BDNF: variants seen among roughly 807,000 people sequenced by gnomAD.
BDNF encodes neurotrophic factor BDNF precursor form.
A neutral mutation model predicts 19.5 loss-of-function variants in BDNF; 1 was observed. The observed-to-expected ratio is 0.05, with a 90% CI of 0.02 to 0.24. The LOEUF (loss-of-function observed/expected upper bound fraction) is 0.24, where lower values mean the gene tolerates loss of function less well. Among genes scored for constraint, BDNF ranks in the 10% least tolerant of loss-of-function variants. The pLI is 1.00. For synonymous variants in BDNF, 100 were observed against 121.6 expected (o/e 0.82, Z 1.17); for missense variants, 195 against 317.6 (o/e 0.61, Z 2.93).
intron 1 of BDNF, among the ~76,000 whole-genome samples, chr11:27,716,377 T>C (rs1317382764): frequency 2.0e-5 from 3 of 151,830 alleles, no homozygotes; most frequent in Non-Finnish European, 4.4e-5. Context: ...GGCATGTAAA[T>C]TTAAGAGACT....
chr11:27,656,801 T>C lies in BDNF; in HGVS notation c.*1020A>G, dbSNP rs534890908. On this transcript the variant is annotated 3_prime_UTR_variant, in exon 2 of 2. Transcript: ENST00000356660. ...TTCATTTTGGGGTTATTTTTTGTTG[T>C]TTTCTGTTCTAAAAAAAAATCACTG... 1.5e-4 allele frequency: 151 copies of C among 985,420 alleles called. No homozygotes were observed. The African/African-American group carries it at 2.5e-3, about 17-fold the overall frequency. 61.0% of individuals were successfully genotyped at this position (985,420 alleles called of 1,614,324 possible). A position where few individuals can be genotyped will look rare whatever the true frequency, so the allele number is the denominator to read the frequency against.
At chr11:27,664,010 A>G (rs72878179) in intron 1 of BDNF, among the ~76,000 whole-genome samples, 4,669 of 152,108 alleles carry the variant, frequency 0.031, 163 homozygotes, top group African/African-American at 0.082. Context: ...AACAAGCAAC[A>G]GTACAGATAA....
intron 1 of BDNF, among the ~76,000 whole-genome samples, chr11:27,721,172 A>G (rs1164475132): frequency 1.3e-5 from 2 of 152,120 alleles, no homozygotes; most frequent in Non-Finnish European, 2.9e-5. Flanking sequence ...TCAGCCTTGA[A>G]CAACCAATAT....
chr11:27,697,160 CACACAGAGAGAG>C (rs1213212846), intron 1 of BDNF, among the ~76,000 whole-genome samples: 36 of 117,928 alleles, frequency 3.1e-4, no homozygotes, highest in African/African-American at 7.3e-4. Flanking sequence ...CACACACACA[CACACAGAGAGAG>C]AGAGAGAGAG....
intron 1 of BDNF, among the ~76,000 whole-genome samples, chr11:27,698,668 C>T (rs1404378498): frequency 4.6e-5 from 7 of 152,046 alleles, no homozygotes; most frequent in Non-Finnish European, 4.4e-5. Flanking sequence ...ATCATGTCGC[C>T]TTTTATATGC....
At chr11:27,663,000 C>A (rs75360136) in intron 1 of BDNF, among the ~76,000 whole-genome samples, 159 of 152,296 alleles carry the variant, frequency 1.0e-3, no homozygotes, top group Non-Finnish European at 1.5e-3. Context: ...TCCTGTGTAG[C>A]TCTATTTCTA....
At chr11:27,721,532 G>T in exon 1 of BDNF, 1 of 1,073,902 alleles carries the variant, frequency 9.3e-7, no homozygotes, top group East Asian at 2.4e-5. Flanking sequence ...TTGCTCAGTG[G>T]ATCGCCCACC....
rs140893479 is a variant in BDNF, at chr11:27,668,620, A to G, written c.-21-10035T>C. On this transcript the variant is annotated intron_variant, in intron 1 of 1. Transcript: ENST00000356660. Reference sequence around the variant, plus strand: ...CAGAAATACAAACTACCATCAGAGAACACTATAAACACTTCTATGCAAATA... The same window carrying G: ...CAGAAATACAAACTACCATCAGAGAGCACTATAAACACTTCTATGCAAATA... Among the ~76,000 whole-genome samples the G allele has an allele frequency of 3.1e-3, 472 of 152,342 alleles. 2 individuals carry two copies. Among genetic ancestry groups the G allele is most frequent in the Admixed American group, 7.6e-3 (117 of 15,300 alleles).
rs887806203 is a variant in BDNF at position 27,656,718 on chromosome 11, GTT to G, written c.*1101_*1102del. 2.1e-5 allele frequency: 21 copies of G among 985,008 alleles called. No individual in the cohort carries two copies. In the South Asian group the frequency reaches 8.0e-4, roughly 37 times the overall value. The allele number at this position is 985,008 out of a possible 1,614,324, so 61.0% of individuals were successfully genotyped here. A position where few individuals can be genotyped will look rare whatever the true frequency, so the allele number is the denominator to read the frequency against. Reference sequence around the variant, plus strand: ...AAGACATTGTTAAGCCTCACCATGAGTTTTTTTTAAGCTTAGCCATGATTTAC... The same window carrying G: ...AAGACATTGTTAAGCCTCACCATGAGTTTTTTAAGCTTAGCCATGATTTAC... On this transcript the variant is annotated 3_prime_UTR_variant, in exon 2 of 2. Coordinates refer to ENST00000356660, the MANE Select transcript of BDNF (RefSeq NM_001709.5).
intron 1 of BDNF, among the ~76,000 whole-genome samples, chr11:27,693,596 C>T (rs1444494242): frequency 1.3e-5 from 2 of 152,120 alleles, no homozygotes; most frequent in Non-Finnish European, 2.9e-5. Flanking sequence ...GGAATACCTT[C>T]GAGAGTTTGG....
At chr11:27,664,948 C>A (rs952664832) in intron 1 of BDNF, among the ~76,000 whole-genome samples, 33 of 152,196 alleles carry the variant, frequency 2.2e-4, no homozygotes, top group African/African-American at 7.2e-4. Flanking sequence ...GTCTTAGCAT[C>A]AAGCATACTC....
intron 1 of BDNF, among the ~76,000 whole-genome samples, chr11:27,663,984 TG>T (rs1326182790): frequency 2.6e-5 from 4 of 151,850 alleles, no homozygotes; most frequent in African/African-American, 9.7e-5. Context: ...TAAGTTTCTA[TG>T]GCCAAAGGTG....
chr11:27,721,967 G>A (rs936529469), exon 1 of BDNF: 3 of 154,192 alleles, frequency 1.9e-5, no homozygotes, highest in African/African-American at 7.2e-5. Flanking sequence ...CCTGTCGCCA[G>A]GTAAGAAAAC....
chr11:27,673,931 T>C, intron 1 of BDNF: 1 of 1,094,054 alleles, frequency 9.1e-7, no homozygotes, highest in East Asian at 2.6e-5. Flanking sequence ...AAACAGGTGA[T>C]GGAAGAAACT....
In BDNF at chr11:27,657,868, T is replaced by C; in HGVS notation, c.697A>G (p.Ile233Val). The C allele has an allele frequency of 3.1e-6, 5 of 1,614,212 alleles. No homozygotes were observed. Among genetic ancestry groups the C allele is most frequent in the Non-Finnish European group, 4.2e-6 (5 of 1,180,044 alleles). Residue 233 changes from isoleucine to valine, a missense_variant, in exon 2 of 2, where the codon ATA (isoleucine) becomes GTA (valine). Transcript: ENST00000356660. This position sits in a 1 kb window ranked among gnomAD's most constrained non-coding sequence, Gnocchi z 5.0. Reference sequence around the variant, plus strand: ...AATGTACATACACAAGAAGTGTCTATCCTTATGAATCGCCAGCCAATTCTC... The same window carrying C: ...AATGTACATACACAAGAAGTGTCTACCCTTATGAATCGCCAGCCAATTCTC... ...KKRIGWRFIRIDTSCVCTLTI... is the reference protein window; with the variant it reads ...KKRIGWRFIRVDTSCVCTLTI...
chr11:27,719,143 C>G (rs903061319), intron 1 of BDNF, among the ~76,000 whole-genome samples: 1 of 152,128 alleles, frequency 6.6e-6, no homozygotes, highest in Non-Finnish European at 1.5e-5. Flanking sequence ...GGGGTGCAGG[C>G]GGGGGCGGGA....
chr11:27,712,927 C>CTTTTT (rs112937534), intron 1 of BDNF, among the ~76,000 whole-genome samples: 2 of 117,276 alleles, frequency 1.7e-5, no homozygotes, highest in African/African-American at 6.3e-5. Flanking sequence ...TTCTTTCTTT[C>CTTTTT]TTTTTTTTTT....
At chr11:27,693,369 C>A (rs951871558) in intron 1 of BDNF, among the ~76,000 whole-genome samples, 2 of 152,212 alleles carry the variant, frequency 1.3e-5, no homozygotes, top group African/African-American at 4.8e-5. Flanking sequence ...AAACCGTGCC[C>A]GCAACTCTCT....
chr11:27,688,304 G>T (rs761172994), intron 1 of BDNF, among the ~76,000 whole-genome samples: 1 of 152,240 alleles, frequency 6.6e-6, no homozygotes, highest in African/African-American at 2.4e-5. Flanking sequence ...AGCTGTGCTG[G>T]CAGTGAGAAT....
Sources: allele counts gnomAD v4.1 joint callset (sites outside exome capture counted in the v4.1 genomes callset), GRCh38; gene constraint gnomAD v4.1.1; non-coding constraint Gnocchi (gnomAD v3.1); transcripts MANE v1.5; gene names NCBI Gene and HGNC (gene_info 2026-07-23, HGNC 2026-07-21).